The following RGSL1 variants were observed in gnomAD, a reference collection of about 807,000 sequenced individuals.
RGSL1 encodes regulator of G protein signaling protein-like.
RGSL1 carries 97 observed loss-of-function variants against 124.7 expected under a neutral mutation model. That is an observed-to-expected ratio of 0.78 (90% CI 0.66 to 0.92). The LOEUF is 0.92. Ranked by LOEUF, RGSL1 falls within the 40% of genes least tolerant of loss-of-function variation. The pLI is 0.00. For missense variants in RGSL1, 1,233 were observed against 1,288.4 expected, an observed-to-expected ratio of 0.96 and a Z score of 0.66; for synonymous variants, 424 against 438.1, an observed-to-expected ratio of 0.97 and a Z score of 0.40.
At chr1:182,451,609 C>A (rs982091030) in intron 1 of RGSL1, among the ~76,000 whole-genome samples, 9 of 150,602 alleles carry the variant, frequency 6.0e-5, no homozygotes, top group African/African-American at 2.2e-4. Flanking sequence ...AGGCAGAGTG[C>A]GCAGAGAGGC....
chr1:182,481,809 G>C (rs547744122), intron 6 of RGSL1, among the ~76,000 whole-genome samples: 2 of 152,184 alleles, frequency 1.3e-5, no homozygotes, highest in African/African-American at 4.8e-5. Flanking sequence ...ACAAAACTCT[G>C]TGTTTATAAA....
chr1:182,454,717 G>T (rs567939851), intron 2 of RGSL1, among the ~76,000 whole-genome samples: 81 of 152,134 alleles, frequency 5.3e-4, no homozygotes, highest in Middle Eastern at 3.4e-3. Flanking sequence ...GGTGTTTAGT[G>T]CATAGAAATT....
rs920504759 is a variant in RGSL1 at position 182,473,925 on chromosome 1, C to A, written c.814C>A (p.Pro272Thr). 1 of 1,551,868 alleles carries A rather than the reference C, an allele frequency of 6.4e-7. No homozygotes were observed. The highest frequency in any genetic ancestry group is 1.2e-5 in the South Asian group (1 of 84,066). Residue 272 changes from proline (P) to threonine (T), a missense_variant, in exon 6 of 22, where the codon CCA becomes ACA. Pro to Thr is a conservative substitution (Grantham distance 38). Coordinates refer to ENST00000294854, the MANE Select transcript of RGSL1 (RefSeq NM_001137669.2). ...TTGGTCTCTGGAAATGGATCTCAAG[C>A]CAGATGCTATTGGTATGCCCCTACA... is the stretch of plus-strand genomic sequence containing the variant. The part of the protein sequence containing the change: ...DSWSLEMDLK[P>T]DAIGMPLQET...
Position 182,554,705 on chromosome 1 carries a change from C to T in RGSL1, c.3197+12C>T. 1 of 1,551,498 alleles carries T rather than the reference C, an allele frequency of 6.4e-7. No homozygotes were observed. Among genetic ancestry groups the T allele is most frequent in the Non-Finnish European group, 8.7e-7 (1 of 1,146,840 alleles). ...CATCCCGTCCAGGGGTAGGCATGAG[C>T]TGGAAATCCTCTTCTTCAGTCCAGA... is the stretch of plus-strand genomic sequence containing the variant. On this transcript the variant is annotated intron_variant, in intron 20 of 21. Coordinates refer to ENST00000294854, the MANE Select transcript of RGSL1 (RefSeq NM_001137669.2).
At chr1:182,511,753 T>C (rs1657479273) in intron 9 of RGSL1, among the ~76,000 whole-genome samples, 1 of 152,218 alleles carries the variant, frequency 6.6e-6, no homozygotes, top group African/African-American at 2.4e-5. Flanking sequence ...TTCATATAAA[T>C]TGCAGGATTT....
rs1394197253 is a variant in RGSL1 at position 182,472,506 on chromosome 1, A to G, written c.412A>G (p.Thr138Ala). 3.5e-5 allele frequency: 55 copies of G among 1,550,052 alleles called. 1 individual carries two copies. Among genetic ancestry groups the G allele is most frequent in the Non-Finnish European group, 4.2e-5 (48 of 1,146,014 alleles). ...GTCCCTCCTCCTCATGCTGAGGGCC[A>G]CTCATCTGCAGGAGGGCTCCAGGGT... ...YLSLLLMLRA[T>A]HLQEGSRVVT... The change falls in exon 5 of 22, where the codon ACT (threonine) becomes GCT (alanine). Residue 138 changes from threonine to alanine, a missense_variant. Physicochemically the swap from Thr to Ala is moderately conservative, Grantham distance 58 (BLOSUM62 0). Transcript: ENST00000294854.
chr1:182,461,821 A>C (rs1189655804), intron 4 of RGSL1, among the ~76,000 whole-genome samples: 1 of 152,170 alleles, frequency 6.6e-6, no homozygotes, highest in Admixed American at 6.5e-5. Context: ...ACAGAAAGAA[A>C]AAAGTTTAAA....
upstream of RGSL1, chr1:182,448,034 G>A (rs149763784): frequency 4.6e-5 from 7 of 151,736 alleles, no homozygotes; most frequent in African/African-American, 7.3e-5. Context: ...AAGTATTTAC[G>A]GTGAATATTC....
chr1:182,493,145 C>A lies in RGSL1; in HGVS notation c.1825+16C>A. The A allele has an allele frequency of 6.8e-7, 1 of 1,481,334 alleles. No individual in the cohort carries two copies. The highest frequency in any genetic ancestry group is 9.2e-7 in the Non-Finnish European group (1 of 1,084,054). The allele number at this position is 1,481,334 out of a possible 1,614,324, so 91.8% of individuals were successfully genotyped here. On this transcript the variant is annotated intron_variant, in intron 9 of 21. Coordinates refer to ENST00000294854, the MANE Select transcript of RGSL1 (RefSeq NM_001137669.2). ...CCTAAAATAGGCAAGTGTTTAAAAT[C>A]AGGGATAGACGAGGCAACTAGGTTT...
intron 4 of RGSL1, among the ~76,000 whole-genome samples, chr1:182,470,268 A>G (rs1653721824): frequency 6.6e-6 from 1 of 152,056 alleles, no homozygotes; most frequent in Non-Finnish European, 1.5e-5. Flanking sequence ...CACCCCCAAT[A>G]CTACCAATGA....
At chr1:182,475,552 C>T (rs1293492811) in intron 6 of RGSL1, among the ~76,000 whole-genome samples, 2 of 152,074 alleles carry the variant, frequency 1.3e-5, no homozygotes, top group African/African-American at 4.8e-5. Flanking sequence ...TTACTAGAAC[C>T]AGGAGAGAAA....
rs56747864 is a variant in RGSL1 at position 182,492,704 on chromosome 1, C to G, written c.1718-318C>G. 7.9e-3 allele frequency among the ~76,000 whole-genome samples: 1,194 copies of G among 151,478 alleles called. 23 individuals are homozygous for G. The highest frequency in any genetic ancestry group is 0.028 in the African/African-American group (1,151 of 41,246). The stretch of plus-strand genomic sequence containing the variant: ...AGTGCAGTGGCCCAATCTCGGCTCA[C>G]TACAAGCTCCGCCTCCCAGGTTCAC... On this transcript the variant is annotated intron_variant, in intron 8 of 21. Transcript: ENST00000294854.
intron 11 of RGSL1, among the ~76,000 whole-genome samples, chr1:182,529,704 C>A (rs1436276646): frequency 6.6e-6 from 1 of 152,010 alleles, no homozygotes; most frequent in Non-Finnish European, 1.5e-5. Context: ...TATTTGTAAG[C>A]ATTATTTATT....
intron 14 of RGSL1, among the ~76,000 whole-genome samples, chr1:182,539,677 A>T (rs1659764183): frequency 6.6e-6 from 1 of 152,182 alleles, no homozygotes; most frequent in South Asian, 2.1e-4. Context: ...CTTTGCATAT[A>T]ATCTAGTCAA....
intron 9 of RGSL1, among the ~76,000 whole-genome samples, chr1:182,521,342 A>AT (rs1236939441): frequency 6.6e-6 from 1 of 152,186 alleles, no homozygotes; most frequent in Non-Finnish European, 1.5e-5. Context: ...AAATGCTGGG[A>AT]TTATAGGCAT....
intron 9 of RGSL1, among the ~76,000 whole-genome samples, chr1:182,512,642 A>G (rs1433203088): frequency 1.3e-5 from 2 of 152,222 alleles, no homozygotes; most frequent in African/African-American, 4.8e-5. Flanking sequence ...CACAGACAGC[A>G]TAAGTGTTAA....
intron 2 of RGSL1, 142 bp from the exon 3 acceptor site, chr1:182,458,177 G>C: frequency 1.6e-6 from 1 of 618,948 alleles, no homozygotes; most frequent in South Asian, 2.1e-5. Context: ...CAAGTTGATG[G>C]AGTAGAATAA....
chr1:182,554,601 C>T (rs1660754944), intron 19 of RGSL1, 26 bp from the exon 20 acceptor site: 1 of 1,548,808 alleles, frequency 6.5e-7, no homozygotes, highest in African/African-American at 1.4e-5. Flanking sequence ...AGTCCTGATG[C>T]AATTTTTCTC....
intron 13 of RGSL1, among the ~76,000 whole-genome samples, chr1:182,531,474 T>A (rs1659169760): frequency 6.6e-6 from 1 of 152,142 alleles, no homozygotes; most frequent in South Asian, 2.1e-4. Context: ...AAAAAATACA[T>A]GCCCCCTTAG....
Sources: allele counts gnomAD v4.1 joint callset (sites outside exome capture counted in the v4.1 genomes callset), GRCh38; gene constraint gnomAD v4.1.1; transcripts MANE v1.5; gene names NCBI Gene and HGNC (gene_info 2026-07-23, HGNC 2026-07-21).